ARHGAP8: variants seen among roughly 807,000 people sequenced by gnomAD.
ARHGAP8 encodes the protein rho GTPase-activating protein 8.
ARHGAP8 carries 62 observed loss-of-function variants against 46.1 expected under a neutral mutation model. The observed-to-expected ratio is 1.34, with a 90% CI of 1.10 to 1.66. The LOEUF is 1.66. Among genes scored for constraint, ARHGAP8 ranks in the 40% most tolerant of loss-of-function variants. The probability of loss-of-function intolerance (pLI) is 0.00; values close to 1 mark genes in which losing one functional copy is unlikely to be tolerated. For synonymous variants in ARHGAP8, 375 were observed against 243.1 expected (o/e 1.54, Z -5.05); for missense variants, 923 against 568.4 (o/e 1.62, Z -6.34).
At chr22:44,816,202 C>G (rs749643066) in intron 5 of ARHGAP8, among the ~76,000 whole-genome samples, 1 of 152,168 alleles carries the variant, frequency 6.6e-6, no homozygotes, top group African/African-American at 2.4e-5. Context: ...GGTCTCTTCT[C>G]GTGCCCCACA....
intron 1 of ARHGAP8, among the ~76,000 whole-genome samples, chr22:44,778,793 A>G (rs539932039): frequency 2.2e-4 from 34 of 152,310 alleles, no homozygotes; most frequent in African/African-American, 7.0e-4. Context: ...GCAAAACAGC[A>G]GAAATAACGG....
At chr22:44,839,676 A>T (rs1931525635) in intron 7 of ARHGAP8, among the ~76,000 whole-genome samples, 1 of 152,096 alleles carries the variant, frequency 6.6e-6, no homozygotes, top group African/African-American at 2.4e-5. Context: ...TCATGAAACG[A>T]TGGTGGAAAT....
intron 1 of ARHGAP8, among the ~76,000 whole-genome samples, chr22:44,784,844 ATAG>A (rs1927098110): frequency 6.6e-6 from 1 of 152,196 alleles, no homozygotes; most frequent in Non-Finnish European, 1.5e-5. Context: ...TTCTTGGCAC[ATAG>A]TAGGTACTCA....
chr22:44,841,754 A>G (rs767099586), intron 7 of ARHGAP8, among the ~76,000 whole-genome samples: 3 of 152,066 alleles, frequency 2.0e-5, no homozygotes, highest in Non-Finnish European at 4.4e-5. Flanking sequence ...TGGGGACTGG[A>G]ATAAGAGTGG....
At position 44,822,401 on chromosome 22, in the gene ARHGAP8, C is replaced by A. The variant is rs746900149; in HGVS notation, c.417C>A (p.Phe139Leu). The A allele has an allele frequency of 6.3e-7, 1 of 1,583,656 alleles. No homozygotes were observed. The highest frequency in any genetic ancestry group is 1.4e-5 in the African/African-American group (1 of 72,448). ...SHKFGKKVIY[F>L]NYLSELHEHL... ...AGTTTGGGAAGAAAGTCATCTATTT[C>A]AACTACCTGAGTGAGCTCCACGAAC... Residue 139 changes from phenylalanine (F) to leucine (L), a missense_variant, in exon 6 of 12, where the codon TTC becomes TTA. Coordinates refer to ENST00000356099, the MANE Select transcript of ARHGAP8 (RefSeq NM_181335.3).
intron 1 of ARHGAP8, among the ~76,000 whole-genome samples, chr22:44,768,118 T>G (rs1466508525): frequency 7.1e-6 from 1 of 141,152 alleles, no homozygotes; most frequent in Non-Finnish European, 1.5e-5. Context: ...TGCCTCAGCC[T>G]CCTGAGTAAC....
In ARHGAP8 at chr22:44,859,752, T is replaced by A; in HGVS notation, c.899T>A (p.Val300Asp). Residue 300 changes from valine (V) to aspartate (D), a missense_variant, in exon 11 of 12, where the codon GTC becomes GAC. By Grantham distance (152) the Val-to-Asp change is radical. Coordinates refer to ENST00000356099, the MANE Select transcript of ARHGAP8 (RefSeq NM_181335.3). ...GITCVESSLR[V>D]TGCRQILRSL... ...CCAGGTGTGGAGAGCAGCCTGCGTG[T>A]CACTGGCTGCCGCCAGATCTTACGG... 1 of 1,613,918 alleles carries A rather than the reference T, an allele frequency of 6.2e-7. No homozygotes were observed. The highest frequency in any genetic ancestry group is 1.7e-5 in the Admixed American group (1 of 60,022).
chr22:44,828,755 G>T (rs921909387), intron 7 of ARHGAP8, among the ~76,000 whole-genome samples: 1 of 151,908 alleles, frequency 6.6e-6, no homozygotes, highest in Non-Finnish European at 1.5e-5. Context: ...GCCCGGGCCA[G>T]GATATTCCAG....
At chr22:44,780,020 G>A (rs1373530823) in intron 1 of ARHGAP8, among the ~76,000 whole-genome samples, 1 of 152,200 alleles carries the variant, frequency 6.6e-6, no homozygotes, top group Non-Finnish European at 1.5e-5. Flanking sequence ...CCCAAGAGGT[G>A]GCAGCAGGTG....
At chr22:44,844,733 G>A (rs889032403) in intron 7 of ARHGAP8, among the ~76,000 whole-genome samples, 1 of 152,202 alleles carries the variant, frequency 6.6e-6, no homozygotes, top group Non-Finnish European at 1.5e-5. Flanking sequence ...AAACTGCTGG[G>A]ATTACAGGTG....
At chr22:44,767,129 G>A (rs753534901) in intron 1 of ARHGAP8, among the ~76,000 whole-genome samples, 34 of 152,118 alleles carry the variant, frequency 2.2e-4, no homozygotes, top group Non-Finnish European at 3.7e-4. Context: ...TAACTTCACC[G>A]GCCTTTGTTT....
chr22:44,795,718 G>A (rs1483042819), intron 2 of ARHGAP8, among the ~76,000 whole-genome samples: 1 of 152,166 alleles, frequency 6.6e-6, no homozygotes, highest in East Asian at 1.9e-4. Context: ...AAGACCTGCG[G>A]TGGCCCATTG....
intron 8 of ARHGAP8, among the ~76,000 whole-genome samples, chr22:44,847,301 A>G (rs2069981830): frequency 6.6e-6 from 1 of 152,180 alleles, no homozygotes; most frequent in African/African-American, 2.4e-5. Context: ...TTATAAACTG[A>G]CAATGGAGAC....
In ARHGAP8 at chr22:44,859,846, A is replaced by AGGGGGGAGCTTG. The variant is rs760327645; in HGVS notation, c.981+16_981+27dup. ...GCTTCCTGCATGCGGTGAGTGGGGA[A>AGGGGGGAGCTTG]GGGGGGAGCTTGGGGTGAAGCCCAG... On this transcript the variant is annotated intron_variant, in intron 11 of 11. Coordinates refer to ENST00000356099, the MANE Select transcript of ARHGAP8 (RefSeq NM_181335.3). The AGGGGGGAGCTTG allele has an allele frequency of 4.3e-6, 7 of 1,612,382 alleles. No homozygotes were observed. The East Asian group carries it at 8.9e-5, about 21-fold the overall frequency.
chr22:44,859,472 T>C (rs1441840969), intron 10 of ARHGAP8, among the ~76,000 whole-genome samples: 1 of 152,194 alleles, frequency 6.6e-6, no homozygotes, highest in African/African-American at 2.4e-5. Flanking sequence ...GCTGGTGCCA[T>C]GCTTGTACAG....
Position 44,862,723 on chromosome 22 carries a change from C to G in ARHGAP8, c.*128C>G, listed in dbSNP as rs1174821446. The stretch of plus-strand genomic sequence containing the variant: ...AATTCAGAACCTTCTAATGAAAACT[C>G]CATGCCTCTGGTCCTTGGACTCTTG... On this transcript the variant is annotated 3_prime_UTR_variant, in exon 12 of 12. Coordinates refer to ENST00000356099, the MANE Select transcript of ARHGAP8 (RefSeq NM_181335.3). 2.6e-6 allele frequency: 3 copies of G among 1,171,148 alleles called. No homozygotes were observed. The highest frequency in any genetic ancestry group is 2.6e-5 in the East Asian group (1 of 38,806). 72.5% of individuals were successfully genotyped at this position (1,171,148 alleles called of 1,614,324 possible).
In ARHGAP8 at chr22:44,814,726, G is replaced by T; in HGVS notation, c.354G>T (p.Lys118Asn). 1 of 1,614,020 alleles carries T rather than the reference G, an allele frequency of 6.2e-7. No homozygotes were observed. Among genetic ancestry groups the T allele is most frequent in the Non-Finnish European group, 8.5e-7 (1 of 1,179,940 alleles). Residue 118 changes from lysine to asparagine, a missense_variant, in exon 5 of 12, where the codon AAG becomes AAT. Coordinates refer to ENST00000356099, the MANE Select transcript of ARHGAP8 (RefSeq NM_181335.3). ...TGGTGCACCCCACCAGCTTCATCAA[G>T]GTCCTGTGGAACATCTTGAAGCCCC... The part of the protein sequence containing the change: ...LYVVHPTSFI[K>N]VLWNILKPLI...
chr22:44,847,396 C>G (rs1285915202), intron 8 of ARHGAP8, among the ~76,000 whole-genome samples: 3 of 152,384 alleles, frequency 2.0e-5, no homozygotes, highest in South Asian at 2.1e-4. Flanking sequence ...ACTGTCTAAA[C>G]AGCAGCCACC....
At chr22:44,830,322 C>G (rs184782724) in intron 7 of ARHGAP8, among the ~76,000 whole-genome samples, 1 of 151,744 alleles carries the variant, frequency 6.6e-6, no homozygotes, top group Non-Finnish European at 1.5e-5. Context: ...CTGCACCCGG[C>G]TGTTACTGTT....
Sources: gnomAD v4.1 joint callset for allele counts (sites outside exome capture counted in the v4.1 genomes callset) on GRCh38, gnomAD v4.1.1 for gene constraint, MANE v1.5 for transcripts, NCBI Gene and HGNC (gene_info 2026-07-23, HGNC 2026-07-21) for gene names.